CNTN4: variants seen among roughly 807,000 people sequenced by gnomAD.
CNTN4 encodes the protein contactin 4.
In CNTN4, 77 loss-of-function variants were observed where a neutral mutation model predicts 122.5. The observed-to-expected ratio is 0.63, with a 90% CI of 0.52 to 0.76. CNTN4 has a LOEUF of 0.76. Among genes scored for constraint, CNTN4 ranks in the 30% least tolerant of loss-of-function variants. The pLI, the probability that CNTN4 is intolerant of heterozygous loss-of-function variation, is 0.00. For missense variants in CNTN4, 1,256 were observed against 1,259.1 expected, an observed-to-expected ratio of 1.00 and a Z score of 0.04; for synonymous variants, 512 against 447.0, an observed-to-expected ratio of 1.15 and a Z score of -1.83.
chr3:2,563,986 C>G (rs932090105), intron 3 of CNTN4, among the ~76,000 whole-genome samples: 2 of 151,708 alleles, frequency 1.3e-5, no homozygotes, highest in African/African-American at 2.4e-5. Flanking sequence ...TGTGCTATAA[C>G]TAAGTTTAGA....
In CNTN4 at chr3:3,053,838, C is replaced by T; in HGVS notation, c.2843C>T (p.Thr948Ile). ...TACAGATGGAACAGACAAAGCAGCA[C>T]ATCTGTCATTGAAACAAATAAAACA... is the stretch of plus-strand genomic sequence containing the variant. ...VLYRWNRQSSTSVIETNKTSV... is the reference protein window; with the variant it reads ...VLYRWNRQSSISVIETNKTSV... The change falls in exon 24 of 25, where the codon ACA becomes ATA. Residue 948 changes from threonine to isoleucine, a missense_variant. By Grantham distance (89) the Thr-to-Ile change is moderately conservative (BLOSUM62 -1). Coordinates refer to ENST00000418658, the MANE Select transcript of CNTN4 (RefSeq NM_175607.3). 6.2e-7 allele frequency: 1 copy of T among 1,614,224 alleles called. No homozygotes were observed.
At chr3:2,600,046 TCTTTA>T (rs2080964117) in intron 4 of CNTN4, among the ~76,000 whole-genome samples, 1 of 136,670 alleles carries the variant, frequency 7.3e-6, no homozygotes, top group African/African-American at 2.6e-5. Context: ...GCCAAAACAT[TCTTTA>T]TTTGGTCAAT....
intron 2 of CNTN4, among the ~76,000 whole-genome samples, chr3:2,105,514 C>T (rs937995041): frequency 2.6e-5 from 4 of 152,224 alleles, no homozygotes; most frequent in African/African-American, 7.2e-5. Flanking sequence ...TCTTACATGG[C>T]GGCAGGCAAG....
chr3:2,317,497 C>T (rs931230908), intron 2 of CNTN4, among the ~76,000 whole-genome samples: 4 of 152,156 alleles, frequency 2.6e-5, no homozygotes, highest in African/African-American at 9.7e-5. Flanking sequence ...TCCTGGATTT[C>T]GCGCTCCCTC....
At chr3:2,894,191 A>G (rs1000866504) in intron 10 of CNTN4, among the ~76,000 whole-genome samples, 2 of 152,198 alleles carry the variant, frequency 1.3e-5, no homozygotes, top group Admixed American at 1.3e-4. Context: ...TCAGTCTGTC[A>G]TGATATTTTG....
At chr3:2,474,376 GTTTA>G (rs2075779478) in intron 3 of CNTN4, among the ~76,000 whole-genome samples, 1 of 152,228 alleles carries the variant, frequency 6.6e-6, no homozygotes, top group Non-Finnish European at 1.5e-5. Flanking sequence ...TACTTAAAAT[GTTTA>G]TTCAGAATAA....
At chr3:2,499,761 C>A (rs1279604328) in intron 3 of CNTN4, among the ~76,000 whole-genome samples, 1 of 152,048 alleles carries the variant, frequency 6.6e-6, no homozygotes, top group Admixed American at 6.5e-5. Context: ...TTTAAAATGT[C>A]TACTAAAACC....
chr3:2,145,399 C>G (rs1213106788), intron 2 of CNTN4, among the ~76,000 whole-genome samples: 1 of 152,198 alleles, frequency 6.6e-6, no homozygotes, highest in Non-Finnish European at 1.5e-5. Flanking sequence ...TCTCTCTCCA[C>G]TCCCTGTGCT....
intron 3 of CNTN4, among the ~76,000 whole-genome samples, chr3:2,401,470 A>T (rs1356721445): frequency 6.6e-6 from 1 of 152,184 alleles, no homozygotes. Flanking sequence ...AGTTAAGATA[A>T]TAAAATAGAG....
intron 14 of CNTN4, among the ~76,000 whole-genome samples, chr3:3,009,565 C>T (rs1697000499): frequency 1.4e-5 from 2 of 144,898 alleles, no homozygotes; most frequent in South Asian, 2.2e-4. Flanking sequence ...TCCCGAGTAG[C>T]TGGGACTACA....
chr3:2,129,745 C>T (rs561761719), intron 2 of CNTN4, among the ~76,000 whole-genome samples: 1 of 151,792 alleles, frequency 6.6e-6, no homozygotes, highest in East Asian at 2.0e-4. Context: ...ACCTTTCTGG[C>T]TTTCCTGTAA....
intron 3 of CNTN4, among the ~76,000 whole-genome samples, chr3:2,469,201 T>C (rs149974509): frequency 1.4e-4 from 22 of 152,342 alleles, no homozygotes; most frequent in Non-Finnish European, 1.6e-4. Flanking sequence ...ATACGTTTCA[T>C]TCCTAAAATA....
chr3:2,631,880 AAAAAAAAAC>A (rs2082449034), intron 4 of CNTN4, among the ~76,000 whole-genome samples: 2 of 126,038 alleles, frequency 1.6e-5, no homozygotes, highest in Non-Finnish European at 3.1e-5. Context: ...AAAAAAAAAC[AAAAAAAAAC>A]AACAACTAAA....
intron 4 of CNTN4, among the ~76,000 whole-genome samples, chr3:2,632,046 G>A (rs1472528145): frequency 6.8e-6 from 1 of 147,284 alleles, no homozygotes; most frequent in African/African-American, 2.6e-5. Flanking sequence ...GCAAGACCCT[G>A]TCTCAAAATA....
At chr3:2,953,526 A>G (rs935148260) in intron 13 of CNTN4, among the ~76,000 whole-genome samples, 1 of 151,222 alleles carries the variant, frequency 6.6e-6, no homozygotes, top group African/African-American at 2.4e-5. Context: ...CCCGGGGCAC[A>G]GTTTTTGGGC....
At chr3:2,854,126 A>G (rs11712375) in intron 7 of CNTN4, among the ~76,000 whole-genome samples, 120,803 of 152,080 alleles carry the variant, frequency 0.79, 48,269 homozygotes, top group African/African-American at 0.86. Context: ...TTTATTTTGA[A>G]AAGGATAGTT....
intron 7 of CNTN4, among the ~76,000 whole-genome samples, chr3:2,861,316 T>C (rs1440405027): frequency 6.6e-6 from 1 of 152,156 alleles, no homozygotes; most frequent in Non-Finnish European, 1.5e-5. Context: ...CCTGTCTTTG[T>C]AACTGCTCTC....
At chr3:2,290,277 G>A (rs1199903743) in intron 2 of CNTN4, among the ~76,000 whole-genome samples, 3 of 152,166 alleles carry the variant, frequency 2.0e-5, no homozygotes, top group Non-Finnish European at 4.4e-5. Context: ...CAGGAAGGGG[G>A]AAGCCAGGTG....
At chr3:2,315,483 TA>T (rs747435453) in intron 2 of CNTN4, among the ~76,000 whole-genome samples, 8 of 152,040 alleles carry the variant, frequency 5.3e-5, no homozygotes, top group African/African-American at 7.2e-5. Flanking sequence ...TTAACAGTAT[TA>T]TTTTTTTTAA....
Sources: allele counts gnomAD v4.1 joint callset (sites outside exome capture counted in the v4.1 genomes callset), GRCh38; gene constraint gnomAD v4.1.1; transcripts MANE v1.5; gene names NCBI Gene and HGNC (gene_info 2026-07-23, HGNC 2026-07-21).